GAB4: variants seen among roughly 807,000 people sequenced by gnomAD.
The protein encoded by GAB4 is GRB2 associated binding protein family member 4, also known as GRB2-associated-binding protein 4.
Under a neutral mutation model 51.3 loss-of-function variants are expected in GAB4, and 26 were observed. That is an observed-to-expected ratio of 0.51 (90% confidence interval 0.37 to 0.70). The LOEUF is 0.70. GAB4 is among the 30% of genes least tolerant of loss of function. GAB4 has a pLI of 0.00. For missense variants in GAB4, 759 were observed against 734.6 expected (o/e 1.03, Z -0.38); for synonymous variants, 329 against 291.2 (o/e 1.13, Z -1.32).
At chr22:16,966,668 AG>A (rs1254490345) in intron 5 of GAB4, 1 of 342,334 alleles carries the variant, frequency 2.9e-6, no homozygotes. Context: ...CTGGGAGGTT[AG>A]GGAGTAAGAG....
chr22:16,991,372 G>C (rs1294932975), intron 2 of GAB4, among the ~76,000 whole-genome samples: 1 of 151,046 alleles, frequency 6.6e-6, no homozygotes, highest in East Asian at 1.9e-4. Flanking sequence ...GGATGAGCCT[G>C]AACAAATGTG....
At chr22:16,968,532 T>G (rs2060702568) in intron 4 of GAB4, 149 bp from the exon 5 acceptor site, 2 of 644,440 alleles carry the variant, frequency 3.1e-6, no homozygotes, top group Non-Finnish European at 5.7e-6. Context: ...CTCTAACACA[T>G]CCCTGCTCCC....
rs576139365 is a variant in GAB4, at chr22:16,963,143, G to C, written c.1582-267C>G. Among the ~76,000 whole-genome samples the C allele has an allele frequency of 1.5e-3, 225 of 152,272 alleles. 1 individual carries two copies. The highest frequency in any genetic ancestry group is 2.7e-3 in the Non-Finnish European group (184 of 68,006). ...TTCTCTGGCCCAAGGACTGGCCAAG[G>C]CCTTCCCCTCTAAACACTCATCCAT... On this transcript the variant is annotated intron_variant, in intron 9 of 9. Transcript: ENST00000400588.
Position 17,007,944 on chromosome 22 carries a change from G to A in GAB4, c.171C>T (p.Leu57=), listed in dbSNP as rs201917940. The change falls in exon 1 of 10, where the codon CTC becomes CTT. Residue 57 remains leucine, a synonymous_variant. Transcript: ENST00000400588. ...CCGCCCCCACTGCCCCACTCACAAA[G>A]AGCCTCAGCTTCTTCTCGGGGGGCG... The part of the protein sequence containing the change: ...RKSPPEKKLR[L]FAWRKRWFIL... The A allele has an allele frequency of 5.0e-6, 8 of 1,596,622 alleles. No homozygotes were observed. The highest frequency in any genetic ancestry group is 6.8e-6 in the Non-Finnish European group (8 of 1,168,302).
chr22:17,002,683 G>A (rs1043883251), intron 1 of GAB4, among the ~76,000 whole-genome samples: 1 of 152,118 alleles, frequency 6.6e-6, no homozygotes, highest in African/African-American at 2.4e-5. Flanking sequence ...CTGTTGTTGG[G>A]GGCGAGGGGG....
chr22:16,985,809 G>A (rs950742916), intron 3 of GAB4, among the ~76,000 whole-genome samples: 34 of 152,298 alleles, frequency 2.2e-4, no homozygotes, highest in African/African-American at 7.5e-4. Context: ...TACAGCACAC[G>A]ACCATCAAAC....
rs1277410244 is a variant in GAB4 at position 16,966,317 on chromosome 22, G to A, written c.1071C>T (p.Gly357=). The A allele has an allele frequency of 2.5e-6, 4 of 1,613,486 alleles. No individual in the cohort carries two copies. The highest frequency in any genetic ancestry group is 1.7e-6 in the Non-Finnish European group (2 of 1,179,886). The change falls in exon 6 of 10, where the codon GGC becomes GGT. Residue 357 remains glycine (G), a synonymous_variant. Transcript: ENST00000400588. The part of the protein sequence containing the change: ...VGLSDSIASE[G]SCVPMNPGSP... Reference sequence around the variant, plus strand: ...AGCCTGGGTTCATGGGCACACAGCTGCCCTCAGAAGCAATGCTGTCTGACA... The same window carrying A: ...AGCCTGGGTTCATGGGCACACAGCTACCCTCAGAAGCAATGCTGTCTGACA...
chr22:16,981,219 C>T (rs879661658), intron 3 of GAB4, among the ~76,000 whole-genome samples: 1 of 148,174 alleles, frequency 6.7e-6, no homozygotes, highest in Non-Finnish European at 1.5e-5. Flanking sequence ...CTAAATGATG[C>T]CCCTTAAAAA....
rs1412424073 is a variant in GAB4, at chr22:16,964,826, G to A, written c.1416C>T (p.Ile472=). The change falls in exon 8 of 10, where the codon ATC becomes ATT. Residue 472 remains isoleucine (I), a synonymous_variant. Transcript: ENST00000400588. The part of the protein sequence containing the change: ...TFDSSSSQHP[I]STQSITNTDS... Reference sequence around the variant, plus strand: ...CTGTGTTGGTGATGCTCTGCGTGGAGATGGGGTGTTGGGAGGAGCTGGAGT... The same window carrying A: ...CTGTGTTGGTGATGCTCTGCGTGGAAATGGGGTGTTGGGAGGAGCTGGAGT... The A allele has an allele frequency of 6.2e-7, 1 of 1,614,112 alleles. No homozygotes were observed.
intron 1 of GAB4, among the ~76,000 whole-genome samples, chr22:17,002,912 T>G (rs113121022): frequency 0.022 from 3,373 of 150,388 alleles, 59 homozygotes; most frequent in Middle Eastern, 0.068. Context: ...TCAAGATGCA[T>G]CAGTATGCTG....
intron 3 of GAB4, among the ~76,000 whole-genome samples, chr22:16,987,022 T>C (rs529248743): frequency 1.4e-4 from 22 of 152,236 alleles, no homozygotes; most frequent in Non-Finnish European, 2.9e-4. Context: ...GTGCTTCACC[T>C]ATAAAATGGA....
chr22:16,996,515 C>T (rs934194214), intron 1 of GAB4, among the ~76,000 whole-genome samples: 1 of 151,840 alleles, frequency 6.6e-6, no homozygotes, highest in Non-Finnish European at 1.5e-5. Context: ...GTCAGATTGA[C>T]AAAGGTTGAA....
chr22:16,990,080 C>A (rs1400587627), intron 2 of GAB4, among the ~76,000 whole-genome samples: 4 of 152,202 alleles, frequency 2.6e-5, no homozygotes, highest in African/African-American at 9.6e-5. Context: ...GCCCAGGCAT[C>A]ACTGTGACTC....
intron 1 of GAB4, among the ~76,000 whole-genome samples, chr22:16,993,752 T>G (rs1432402481): frequency 4.6e-5 from 7 of 152,244 alleles, no homozygotes; most frequent in Non-Finnish European, 1.0e-4. Context: ...TTTCTCCTAG[T>G]GTTTTGCAAC....
At chr22:16,978,621 C>T (rs2060801037) in intron 3 of GAB4, among the ~76,000 whole-genome samples, 1 of 152,210 alleles carries the variant, frequency 6.6e-6, no homozygotes, top group Non-Finnish European at 1.5e-5. Context: ...GAGCTGATAT[C>T]ATTCCTTCTG....
chr22:16,982,510 T>C (rs2060834608), intron 3 of GAB4, among the ~76,000 whole-genome samples: 1 of 151,962 alleles, frequency 6.6e-6, no homozygotes, highest in African/African-American at 2.4e-5. Context: ...ATTAAAGAAA[T>C]TAAAAAGGAC....
chr22:17,007,232 T>C (rs1391282467), intron 1 of GAB4, among the ~76,000 whole-genome samples: 1 of 152,166 alleles, frequency 6.6e-6, no homozygotes, highest in Non-Finnish European at 1.5e-5. Context: ...AGTAAAATTG[T>C]TGAAATTTAG....
chr22:16,970,094 C>A lies in GAB4; in HGVS notation c.786G>T (p.Gly262=), dbSNP rs550014208. 6.2e-7 allele frequency: 1 copy of A among 1,614,018 alleles called. No individual in the cohort carries two copies. Among genetic ancestry groups the A allele is most frequent in the African/African-American group, 1.3e-5 (1 of 74,886 alleles). Residue 262 remains glycine (G), a synonymous_variant, in exon 4 of 10, where the codon GGG becomes GGT. Transcript: ENST00000400588. ...LAQHSGYSVD[G]VSGHIHGFHS... ...GGAAGCCATGGATGTGACCGCTGAC[C>A]CCATCAACACTGTATCCACTGTGCT...
chr22:17,006,984 A>G (rs2061045343), intron 1 of GAB4, among the ~76,000 whole-genome samples: 1 of 152,194 alleles, frequency 6.6e-6, no homozygotes, highest in Non-Finnish European at 1.5e-5. Context: ...CTGCACATGT[A>G]TCCCAGAACT....
Sources: allele counts gnomAD v4.1 joint callset (sites outside exome capture counted in the v4.1 genomes callset), GRCh38; gene constraint gnomAD v4.1.1; transcripts MANE v1.5; gene names NCBI Gene and HGNC (gene_info 2026-07-23, HGNC 2026-07-21).